ADGRB3: variants seen among roughly 807,000 people sequenced by gnomAD.
The protein encoded by ADGRB3 is adhesion G protein-coupled receptor B3, also known as brain-specific angiogenesis inhibitor 3.
A neutral mutation model predicts 193.4 loss-of-function variants in ADGRB3; 37 were observed. That is an observed-to-expected ratio of 0.19 (90% CI 0.15 to 0.25). The LOEUF (loss-of-function observed/expected upper bound fraction) is 0.25, where lower values mean the gene tolerates loss of function less well. Among genes scored for constraint, ADGRB3 ranks in the 10% least tolerant of loss-of-function variants. The probability of loss-of-function intolerance (pLI) is 1.00; values close to 1 mark genes in which losing one functional copy is unlikely to be tolerated. For synonymous variants in ADGRB3, 690 were observed against 644.2 expected, an observed-to-expected ratio of 1.07 and a Z score of -1.08; for missense variants, 1,637 against 1,852.9, an observed-to-expected ratio of 0.88 and a Z score of 2.14.
intron 17 of ADGRB3, among the ~76,000 whole-genome samples, chr6:69,160,408 C>T (rs1774951893): frequency 6.6e-6 from 1 of 152,128 alleles, no homozygotes; most frequent in Non-Finnish European, 1.5e-5. Context: ...ACTCTCTCAT[C>T]TCAGGACCTT....
At chr6:69,268,310 A>C (rs574639371) in intron 20 of ADGRB3, among the ~76,000 whole-genome samples, 23 of 152,318 alleles carry the variant, frequency 1.5e-4, no homozygotes, top group African/African-American at 4.1e-4. Flanking sequence ...CTAAGAAATG[A>C]CTATGTGTTA....
At chr6:69,055,587 A>G (rs150579088) in intron 15 of ADGRB3, among the ~76,000 whole-genome samples, 189 of 152,324 alleles carry the variant, frequency 1.2e-3, no homozygotes, top group African/African-American at 4.4e-3. Context: ...TCAATTACAC[A>G]TGATGAACAT....
chr6:69,122,960 G>A (rs1447338774), intron 17 of ADGRB3, among the ~76,000 whole-genome samples: 2 of 149,682 alleles, frequency 1.3e-5, no homozygotes, highest in African/African-American at 2.5e-5. Context: ...ATATATGTAT[G>A]TATATATATG....
intron 20 of ADGRB3, among the ~76,000 whole-genome samples, chr6:69,288,382 C>CT (rs1767597724): frequency 6.6e-6 from 1 of 152,076 alleles, no homozygotes; most frequent in Admixed American, 6.6e-5. Context: ...TGAATTCATC[C>CT]TTTTTTATGG....
At chr6:69,211,757 A>G (rs529032894) in intron 17 of ADGRB3, among the ~76,000 whole-genome samples, 14 of 152,340 alleles carry the variant, frequency 9.2e-5, no homozygotes, top group African/African-American at 3.4e-4. Flanking sequence ...TTATTTGTTG[A>G]ACACAAGAAT....
intron 17 of ADGRB3, among the ~76,000 whole-genome samples, chr6:69,159,035 C>A (rs1774919968): frequency 6.6e-6 from 1 of 152,016 alleles, no homozygotes. Context: ...CATATTTCAT[C>A]AGGCGCAGAA....
chr6:69,126,329 AT>A (rs557188332), intron 17 of ADGRB3, among the ~76,000 whole-genome samples: 194 of 152,230 alleles, frequency 1.3e-3, no homozygotes, highest in African/African-American at 4.6e-3. Flanking sequence ...GGCTCACACA[AT>A]AGTGGAGAGG....
chr6:69,100,929 G>A (rs9446094), intron 17 of ADGRB3, among the ~76,000 whole-genome samples: 1 of 3,282 alleles, frequency 3.0e-4, no homozygotes, highest in African/African-American at 6.8e-4. Flanking sequence ...AAGGAAGGAG[G>A]GAGGGAGGGA....
intron 30 of ADGRB3, among the ~76,000 whole-genome samples, chr6:69,380,882 A>T (rs1417016536): frequency 6.6e-6 from 1 of 151,930 alleles, no homozygotes; most frequent in African/African-American, 2.4e-5. Flanking sequence ...CATGTATTAA[A>T]TGATGGAATA....
rs139787041 is a variant in ADGRB3, at chr6:69,249,668, C to T, written c.2814+10442C>T. Among the ~76,000 whole-genome samples, 37 of 152,198 alleles carry T rather than the reference C, an allele frequency of 2.4e-4. No individual in the cohort carries two copies. In the East Asian group the frequency reaches 6.0e-3, roughly 25 times the overall value. On this transcript the variant is annotated intron_variant, in intron 20 of 31. Coordinates refer to ENST00000370598, the MANE Select transcript of ADGRB3 (RefSeq NM_001704.3). ...CCTCTCTACCTCTATCCTATCTCAC[C>T]CTACCCTAAAATTTGGATTGTTATT...
chr6:69,057,959 G>T (rs1330852201), intron 15 of ADGRB3, among the ~76,000 whole-genome samples: 1 of 151,584 alleles, frequency 6.6e-6, no homozygotes, highest in Non-Finnish European at 1.5e-5. Context: ...TCCTATAATG[G>T]GTTTAAAAGT....
chr6:69,178,094 T>C (rs567454960), intron 17 of ADGRB3, among the ~76,000 whole-genome samples: 149 of 152,346 alleles, frequency 9.8e-4, no homozygotes, highest in African/African-American at 3.5e-3. Flanking sequence ...GAAGTACTTG[T>C]TTTATGAATC....
intron 20 of ADGRB3, among the ~76,000 whole-genome samples, chr6:69,315,086 CTATT>C (rs1193301390): frequency 4.0e-5 from 6 of 151,420 alleles, no homozygotes; most frequent in Non-Finnish European, 8.9e-5. Flanking sequence ...ATTATAACAT[CTATT>C]TATTTGTCAC....
At chr6:69,253,565 T>C (rs1766674777) in intron 20 of ADGRB3, among the ~76,000 whole-genome samples, 1 of 152,052 alleles carries the variant, frequency 6.6e-6, no homozygotes. Flanking sequence ...TTTTGGACTC[T>C]TATATAATGC....
intron 17 of ADGRB3, among the ~76,000 whole-genome samples, chr6:69,191,605 T>C (rs1765189215): frequency 6.6e-6 from 1 of 152,140 alleles, no homozygotes; most frequent in African/African-American, 2.4e-5. Flanking sequence ...ATAAATCTAA[T>C]GGACAAAGCT....
intron 31 of ADGRB3, among the ~76,000 whole-genome samples, chr6:69,384,042 A>C (rs530657019): frequency 6.6e-6 from 1 of 151,954 alleles, no homozygotes; most frequent in Non-Finnish European, 1.5e-5. Context: ...AGAGCTGAAG[A>C]GTATCTTTTA....
Position 69,323,288 on chromosome 6 carries a change from CTT to C in ADGRB3, c.2815-1582_2815-1581del, listed in dbSNP as rs1768501730. Among the ~76,000 whole-genome samples the C allele has an allele frequency of 2.0e-5, 3 of 152,028 alleles. No homozygotes were observed. The South Asian group carries it at 6.2e-4, about 31-fold the overall frequency. Reference sequence around the variant, plus strand: ...TAATGACTTAGAAAGGTTATCTAGTCTTTGGATAGCAAGTGGAAGAGTTGTCT... The same window carrying C: ...TAATGACTTAGAAAGGTTATCTAGTCTGGATAGCAAGTGGAAGAGTTGTCT... On this transcript the variant is annotated intron_variant, in intron 20 of 31. Coordinates refer to ENST00000370598, the MANE Select transcript of ADGRB3 (RefSeq NM_001704.3).
Position 69,268,815 on chromosome 6 carries a change from G to A in ADGRB3, c.2814+29589G>A, listed in dbSNP as rs374792002. On this transcript the variant is annotated intron_variant, in intron 20 of 31. Coordinates refer to ENST00000370598, the MANE Select transcript of ADGRB3 (RefSeq NM_001704.3). ...GTGTTGCCCACTCCAAAATGGGCTG[G>A]CCGGGTCTAGGGGCAGGACTGGTTA... Among the ~76,000 whole-genome samples the A allele has an allele frequency of 9.1e-4, 139 of 152,160 alleles. 1 individual carries two copies. The South Asian group carries it at 0.022, about 24-fold the overall frequency.
intron 3 of ADGRB3, among the ~76,000 whole-genome samples, chr6:68,907,895 C>A (rs10455677): frequency 6.6e-6 from 1 of 151,516 alleles, no homozygotes; most frequent in Admixed American, 6.6e-5. Flanking sequence ...CAAGAAAGAA[C>A]TTTAATATAA....
Sources: gnomAD v4.1 joint callset for allele counts (sites outside exome capture counted in the v4.1 genomes callset) on GRCh38, gnomAD v4.1.1 for gene constraint, MANE v1.5 for transcripts, NCBI Gene and HGNC (gene_info 2026-07-23, HGNC 2026-07-21) for gene names.